Variants in USP20 observed in about 807,000 individuals in gnomAD.
The protein encoded by USP20 is ubiquitin carboxyl-terminal hydrolase 20.
In USP20, 80 loss-of-function variants were observed where a neutral mutation model predicts 124.2. The observed-to-expected ratio is 0.64, with a 90% CI of 0.54 to 0.78. The LOEUF (loss-of-function observed/expected upper bound fraction) is 0.78, where lower values mean the gene tolerates loss of function less well. Ranked by LOEUF, USP20 falls within the 30% of genes least tolerant of loss-of-function variation. The probability of loss-of-function intolerance (pLI) is 0.00; values close to 1 mark genes in which losing one functional copy is unlikely to be tolerated. For missense variants in USP20, 1,043 were observed against 1,244.4 expected, an observed-to-expected ratio of 0.84 and a Z score of 2.44; for synonymous variants, 481 against 512.3, an observed-to-expected ratio of 0.94 and a Z score of 0.83.
At chr9:129,859,174 G>A (rs1270033565) in intron 6 of USP20, among the ~76,000 whole-genome samples, 1 of 150,636 alleles carries the variant, frequency 6.6e-6, no homozygotes, top group Non-Finnish European at 1.5e-5. Context: ...TCAGGGAATG[G>A]TCAGTAATCC....
rs1041023565 is a variant in USP20, at chr9:129,879,133, C to T, written c.2513-440C>T. ...ATGGCTGTGGTTGAGAATGTAGCTC[C>T]GGAGCCCTCGCCCTGGCCTGGACGC... On this transcript the variant is annotated intron_variant, in intron 23 of 25. Transcript: ENST00000372429. This position sits in a 1 kb window ranked among gnomAD's most constrained non-coding sequence, Gnocchi z 4.2. Among the ~76,000 whole-genome samples, 8 of 152,240 alleles carry T rather than the reference C, an allele frequency of 5.3e-5. No individual in the cohort carries two copies. The highest frequency in any genetic ancestry group is 1.9e-4 in the East Asian group (1 of 5,196).
At chr9:129,867,570 G>T (rs73672512) in intron 10 of USP20, among the ~76,000 whole-genome samples, 3,997 of 152,068 alleles carry the variant, frequency 0.026, 97 homozygotes, top group South Asian at 0.089. Context: ...TCCTCTTTTG[G>T]CATCACACTC....
rs1040687486 is a variant in USP20 at position 129,839,648 on chromosome 9, A to T, written c.-129+4149A>T. 4.5e-4 allele frequency among the ~76,000 whole-genome samples: 69 copies of T among 151,878 alleles called. No individual in the cohort carries two copies. The highest frequency in any genetic ancestry group is 1.6e-3 in the African/African-American group (67 of 41,320). ...CGGGGCTGGGGGTGTGAGATGGCTA[A>T]TGTGGTTGGGGTCAGCGTGGGCAGG... On this transcript the variant is annotated intron_variant, in intron 1 of 25. Transcript: ENST00000372429. This position sits in a 1 kb window ranked among gnomAD's most constrained non-coding sequence, Gnocchi z 4.5.
intron 1 of USP20, among the ~76,000 whole-genome samples, chr9:129,837,161 C>A (rs1473435971): frequency 6.6e-6 from 1 of 152,186 alleles, no homozygotes; most frequent in African/African-American, 2.4e-5. Flanking sequence ...AGCTATGAAT[C>A]TGGCAGTAAG....
At chr9:129,849,012 C>T (rs980639732) in intron 1 of USP20, among the ~76,000 whole-genome samples, 1 of 152,208 alleles carries the variant, frequency 6.6e-6, no homozygotes, top group Non-Finnish European at 1.5e-5. Flanking sequence ...CCGGTTGTGC[C>T]TGCAGCCTGG....
chr9:129,848,684 C>A (rs1254731923), intron 1 of USP20, among the ~76,000 whole-genome samples: 1 of 151,590 alleles, frequency 6.6e-6, no homozygotes, highest in Non-Finnish European at 1.5e-5. Context: ...AAGTTATAAC[C>A]TGCCCACTCC....
Position 129,863,284 on chromosome 9 carries a change from T to C in USP20, c.596T>C (p.Val199Ala). 1 of 1,547,092 alleles carries C rather than the reference T, an allele frequency of 6.5e-7. No homozygotes were observed. The highest frequency in any genetic ancestry group is 8.7e-7 in the Non-Finnish European group (1 of 1,142,876). The change falls in exon 9 of 26, where the codon GTC becomes GCC. Residue 199 changes from valine (V) to alanine (A), a missense_variant. Val to Ala is a moderately conservative substitution (Grantham distance 64, BLOSUM62 0). Transcript: ENST00000372429. ...CKSYQKLVSE[V>A]WHKKRPSYVV... Reference sequence around the variant, plus strand: ...AGCTACCAGAAGCTGGTCTCTGAGGTCTGGCATAAGAAACGGTGAGCAGCT... The same window carrying C: ...AGCTACCAGAAGCTGGTCTCTGAGGCCTGGCATAAGAAACGGTGAGCAGCT...
At position 129,868,017 on chromosome 9, in the gene USP20, T is replaced by TTCCTTCGC; in HGVS notation, c.705_712dup (p.Cys238SerfsTer5). ...CCCCTGGTTCTAGGACACCCAAGAG[T>TTCCTTCGC]TCCTTCGCTGCCTGATGGACCAGCT... On this transcript the variant is annotated frameshift_variant, in exon 11 of 26. Transcript: ENST00000372429. LOFTEE classifies it high-confidence loss of function. The TTCCTTCGC allele has an allele frequency of 6.2e-7, 1 of 1,613,250 alleles. No homozygotes were observed. The highest frequency in any genetic ancestry group is 8.5e-7 in the Non-Finnish European group (1 of 1,179,560).
chr9:129,869,016 G>T lies in USP20; in HGVS notation c.1276+14G>T. On this transcript the variant is annotated intron_variant, in intron 12 of 25. Coordinates refer to ENST00000372429, the MANE Select transcript of USP20 (RefSeq NM_001110303.4). ...TGCTCAAGAAAGGTTCGGGGGGCAC[G>T]GGAGGGTGGGTCAGCTTGAGGCTGG... is the stretch of plus-strand genomic sequence containing the variant. 1 of 1,593,452 alleles carries T rather than the reference G, an allele frequency of 6.3e-7. No individual in the cohort carries two copies.
chr9:129,878,571 G>A, intron 23 of USP20, 131 bp downstream of exon 23: 1 of 766,228 alleles, frequency 1.3e-6, no homozygotes, highest in Non-Finnish European at 2.1e-6. Flanking sequence ...ACCCATCCAG[G>A]GTGAACAGAG....
rs1451401059 is a variant in USP20, at chr9:129,869,596, C to T, written c.1393-76C>T. On this transcript the variant is annotated intron_variant, in intron 13 of 25. Coordinates refer to ENST00000372429, the MANE Select transcript of USP20 (RefSeq NM_001110303.4). Reference sequence around the variant, plus strand: ...ATGGCCTGGGGAGTAGTCCCTCTGCCCCTCACCTGCTGCTTGGGGTTTGGG... The same window carrying T: ...ATGGCCTGGGGAGTAGTCCCTCTGCTCCTCACCTGCTGCTTGGGGTTTGGG... 21 of 1,586,502 alleles carry T rather than the reference C, an allele frequency of 1.3e-5. 1 individual carries two copies. Among genetic ancestry groups the T allele is most frequent in the Admixed American group, 1.7e-5 (1 of 58,944 alleles).
Position 129,868,129 on chromosome 9 carries a change from G to A in USP20, c.815G>A (p.Arg272Gln), listed in dbSNP as rs544711879. ...DSDSSDTDEK[R>Q]EGDRSPSEDE... Reference sequence around the variant, plus strand: ...GATTCGAGTGACACGGATGAGAAACGGGAGGGTGACCGGAGCCCATCAGAA... The same window carrying A: ...GATTCGAGTGACACGGATGAGAAACAGGAGGGTGACCGGAGCCCATCAGAA... The change falls in exon 11 of 26, where the codon CGG becomes CAG. Residue 272 changes from arginine (R) to glutamine (Q), a missense_variant. By Grantham distance (43) the Arg-to-Gln change is conservative (BLOSUM62 1). Transcript: ENST00000372429. 1.3e-5 allele frequency: 21 copies of A among 1,614,212 alleles called. No individual in the cohort carries two copies. Among genetic ancestry groups the A allele is most frequent in the Middle Eastern group, 3.3e-4 (2 of 6,062 alleles).
intron 23 of USP20, 105 bp downstream of exon 23, chr9:129,878,545 C>G: frequency 9.5e-7 from 1 of 1,053,790 alleles, no homozygotes; most frequent in Non-Finnish European, 1.4e-6. Flanking sequence ...AGGCCCCATG[C>G]CTGCCCCCAG....
At chr9:129,873,073 TCTTCTTC>T (rs2034200618) in intron 15 of USP20, among the ~76,000 whole-genome samples, 1 of 69,086 alleles carries the variant, frequency 1.4e-5, no homozygotes, top group Admixed American at 2.0e-4. Flanking sequence ...TTTTTCTTTT[TCTTCTTC>T]TTTTTTTTTT....
intron 23 of USP20, among the ~76,000 whole-genome samples, 193 bp downstream of exon 23, chr9:129,878,633 C>T (rs1454518330): frequency 6.6e-6 from 1 of 152,214 alleles, no homozygotes; most frequent in Non-Finnish European, 1.5e-5. Flanking sequence ...CACCCAGAGG[C>T]AGGAAGCTGC....
intron 1 of USP20, among the ~76,000 whole-genome samples, chr9:129,845,008 C>T (rs1192670820): frequency 6.6e-6 from 1 of 152,134 alleles, no homozygotes; most frequent in Non-Finnish European, 1.5e-5. Context: ...CACGGCAAAA[C>T]CCTGTCTCTA....
chr9:129,875,155 G>A (rs1298134372), intron 19 of USP20, among the ~76,000 whole-genome samples, 155 bp from the exon 20 acceptor site: 3 of 152,138 alleles, frequency 2.0e-5, no homozygotes, highest in Non-Finnish European at 2.9e-5. Flanking sequence ...CCTGGCTGGC[G>A]GCACAGGGGG....
intron 1 of USP20, among the ~76,000 whole-genome samples, chr9:129,843,199 G>A (rs59392569): frequency 6.6e-6 from 1 of 151,242 alleles, no homozygotes; most frequent in East Asian, 1.9e-4. Context: ...GGAGGCCGCA[G>A]TGGACAGATC....
At chr9:129,860,377 C>T (rs2033478211) in intron 6 of USP20, among the ~76,000 whole-genome samples, 1 of 150,988 alleles carries the variant, frequency 6.6e-6, no homozygotes, top group African/African-American at 2.4e-5. Context: ...AGACTATTAA[C>T]AGCAGTTCTC....
Sources: gnomAD v4.1 joint callset for allele counts (sites outside exome capture counted in the v4.1 genomes callset) on GRCh38, gnomAD v4.1.1 for gene constraint, Gnocchi (gnomAD v3.1) non-coding constraint, MANE v1.5 for transcripts, NCBI Gene and HGNC (gene_info 2026-07-23, HGNC 2026-07-21) for gene names.